The following SUMF1 variants were observed in gnomAD, a reference collection of about 807,000 sequenced individuals.
SUMF1 encodes the protein formylglycine-generating enzyme.
Under a neutral mutation model 47.6 loss-of-function variants are expected in SUMF1, and 48 were observed. The ratio of observed to expected loss-of-function variants is 1.01; its 90% CI spans 0.80 to 1.28. The LOEUF (loss-of-function observed/expected upper bound fraction) is 1.28, where lower values mean the gene tolerates loss of function less well. Among genes scored for constraint, SUMF1 ranks in the 50% most tolerant of loss-of-function variants. SUMF1 has a pLI of 0.00. For missense variants in SUMF1, 571 were observed against 485.4 expected (o/e 1.18, Z -1.66); for synonymous variants, 230 against 192.1 (o/e 1.20, Z -1.63).
intron 8 of SUMF1, among the ~76,000 whole-genome samples, chr3:4,205,654 C>A (rs1695635207): frequency 6.6e-6 from 1 of 152,222 alleles, no homozygotes; most frequent in South Asian, 2.1e-4. Flanking sequence ...CAACCCAAGT[C>A]CAGTAACACT....
At chr3:4,131,812 G>C (rs1693797711) in intron 8 of SUMF1, among the ~76,000 whole-genome samples, 1 of 152,088 alleles carries the variant, frequency 6.6e-6, no homozygotes, top group Non-Finnish European at 1.5e-5. Flanking sequence ...AAAGTGGATA[G>C]GATGACCCAT....
chr3:4,178,865 G>A (rs1018735577), intron 8 of SUMF1, among the ~76,000 whole-genome samples: 9 of 152,090 alleles, frequency 5.9e-5, no homozygotes, highest in South Asian at 2.1e-4. Context: ...AAATCAATGT[G>A]CAAAAATCAC....
At chr3:4,301,968 C>G (rs1697978007) in intron 8 of SUMF1, among the ~76,000 whole-genome samples, 1 of 152,046 alleles carries the variant, frequency 6.6e-6, no homozygotes, top group Non-Finnish European at 1.5e-5. Flanking sequence ...AAGGGCAGAA[C>G]CCTGAATCAC....
chr3:4,126,015 T>C (rs1433409930), intron 8 of SUMF1, among the ~76,000 whole-genome samples: 1 of 151,968 alleles, frequency 6.6e-6, no homozygotes, highest in African/African-American at 2.4e-5. Context: ...CCTCGTGCCA[T>C]TTTCCTAAGC....
chr3:4,058,926 A>G (rs535914246), intron 9 of SUMF1, among the ~76,000 whole-genome samples: 2 of 152,158 alleles, frequency 1.3e-5, no homozygotes, highest in South Asian at 2.1e-4. Context: ...TTGGAAACCA[A>G]TGAGGTGAGA....
intron 8 of SUMF1, among the ~76,000 whole-genome samples, chr3:4,070,993 A>G (rs571265020): frequency 8.3e-4 from 127 of 152,222 alleles, no homozygotes; most frequent in Middle Eastern, 3.4e-3. Context: ...GACTGTGTGC[A>G]TATCAAGAAG....
intron 8 of SUMF1, among the ~76,000 whole-genome samples, chr3:4,145,694 CA>C (rs1272250737): frequency 6.6e-6 from 1 of 152,178 alleles, no homozygotes; most frequent in African/African-American, 2.4e-5. Flanking sequence ...TGATGGAAAA[CA>C]TATTCAAACC....
intron 8 of SUMF1, among the ~76,000 whole-genome samples, chr3:4,108,093 A>C (rs1370908237): frequency 2.6e-5 from 4 of 152,116 alleles, no homozygotes; most frequent in Admixed American, 2.6e-4. Flanking sequence ...GTAGGTTGCT[A>C]TTCATAAAGA....
chr3:4,103,109 G>C (rs1424947412), intron 8 of SUMF1, among the ~76,000 whole-genome samples: 1 of 151,706 alleles, frequency 6.6e-6, no homozygotes, highest in Non-Finnish European at 1.5e-5. Flanking sequence ...TTTTACTAGA[G>C]ATGGGGTTTC....
intron 8 of SUMF1, among the ~76,000 whole-genome samples, chr3:4,084,169 T>C (rs1176086014): frequency 2.0e-5 from 3 of 152,082 alleles, no homozygotes; most frequent in Non-Finnish European, 2.9e-5. Context: ...AGGCATCTCT[T>C]CCATGAGCCT....
At position 4,175,107 on chromosome 3, in the gene SUMF1, T is replaced by G. The variant is rs540372202; in HGVS notation, c.1015-106362A>C. 2.7e-4 allele frequency among the ~76,000 whole-genome samples: 41 copies of G among 152,304 alleles called. No homozygotes were observed. In the South Asian group the frequency reaches 8.5e-3, roughly 32 times the overall value. On this transcript the variant is annotated intron_variant and NMD_transcript_variant, in intron 8 of 12. Coordinates refer to the SUMF1 transcript ENST00000448413. ...AGACTCCACCTCTCTGGGCAGGGCA[T>G]AGCTGAACAAAAGAAAGCAGACAAC...
intron 8 of SUMF1, among the ~76,000 whole-genome samples, chr3:4,294,537 T>C (rs553307900): frequency 6.6e-6 from 1 of 152,158 alleles, no homozygotes; most frequent in Admixed American, 6.5e-5. Flanking sequence ...AGCCTCTGAG[T>C]TGTAGAGAGT....
In SUMF1 at chr3:4,418,000, C is replaced by T. The variant is rs755488897; in HGVS notation, c.725+10G>A. Reference sequence around the variant, plus strand: ...ACATATTGTCAGGCAAAATGAGATCCTCTAAATACCTATTATGCAGGCCTC... The same window carrying T: ...ACATATTGTCAGGCAAAATGAGATCTTCTAAATACCTATTATGCAGGCCTC... On this transcript the variant is annotated intron_variant, in intron 5 of 8. Coordinates refer to ENST00000272902, the MANE Select transcript of SUMF1 (RefSeq NM_182760.4). 1 of 1,613,784 alleles carries T rather than the reference C, an allele frequency of 6.2e-7. No individual in the cohort carries two copies. Among genetic ancestry groups the T allele is most frequent in the South Asian group, 1.1e-5 (1 of 91,058 alleles).
intron 8 of SUMF1, among the ~76,000 whole-genome samples, chr3:4,354,135 A>C (rs571478852): frequency 1.4e-4 from 22 of 152,334 alleles, no homozygotes; most frequent in African/African-American, 5.1e-4. Flanking sequence ...GATTACTGGC[A>C]TAAGCCACCC....
At chr3:4,376,487 G>A in intron 7 of SUMF1, 98 bp from the exon 8 acceptor site, 1 of 1,306,808 alleles carries the variant, frequency 7.7e-7, no homozygotes, top group East Asian at 2.3e-5. Flanking sequence ...CTCTCTCATG[G>A]TTGCCTAAAC....
At chr3:4,101,839 G>T (rs1052934203) in intron 8 of SUMF1, among the ~76,000 whole-genome samples, 1 of 152,066 alleles carries the variant, frequency 6.6e-6, no homozygotes, top group Non-Finnish European at 1.5e-5. Flanking sequence ...CTGCTATAAA[G>T]AACTACCTGA....
intron 8 of SUMF1, among the ~76,000 whole-genome samples, chr3:4,217,350 A>C (rs1474974082): frequency 3.4e-5 from 5 of 147,842 alleles, no homozygotes; most frequent in Non-Finnish European, 5.9e-5. Flanking sequence ...AACATCACAC[A>C]CAAGGGCCTG....
At position 4,427,648 on chromosome 3, in the gene SUMF1, T is replaced by C. The variant is rs535408484; in HGVS notation, c.520-7502A>G. ...CTTTTTCAAACAGGGTAAAAATATTTATGAAACTTCAGGCAGACTTGAACT... is the reference window on the plus strand; with the variant it reads ...CTTTTTCAAACAGGGTAAAAATATTCATGAAACTTCAGGCAGACTTGAACT... On this transcript the variant is annotated intron_variant, in intron 3 of 8. Coordinates refer to ENST00000272902, the MANE Select transcript of SUMF1 (RefSeq NM_182760.4). Among the ~76,000 whole-genome samples, 8 of 152,344 alleles carry C rather than the reference T, an allele frequency of 5.3e-5. No individual in the cohort carries two copies. In the South Asian group the frequency reaches 1.7e-3, roughly 32 times the overall value.
At chr3:4,229,844 T>C (rs989540562) in intron 8 of SUMF1, among the ~76,000 whole-genome samples, 1 of 151,648 alleles carries the variant, frequency 6.6e-6, no homozygotes, top group South Asian at 2.1e-4. Flanking sequence ...CAAGACCCTA[T>C]CTCTACAAAA....
Sources: gnomAD v4.1 joint callset for allele counts (sites outside exome capture counted in the v4.1 genomes callset) on GRCh38, gnomAD v4.1.1 for gene constraint, MANE v1.5 for transcripts, NCBI Gene and HGNC (gene_info 2026-07-23, HGNC 2026-07-21) for gene names.